DLEU7: variants seen among roughly 807,000 people sequenced by gnomAD.
DLEU7 encodes the protein deleted in lymphocytic leukemia 7, also known as leukemia-associated protein 7.
DLEU7 carries 17 observed loss-of-function variants against 16.0 expected under a neutral mutation model. That is an observed-to-expected ratio of 1.06 (90% CI 0.73 to 1.59). The LOEUF (loss-of-function observed/expected upper bound fraction) is 1.59. Ranked by LOEUF, DLEU7 falls within the 40% of genes most tolerant of loss-of-function variation. DLEU7 has a pLI of 0.00. For synonymous variants in DLEU7, 113 were observed against 139.8 expected (o/e 0.81, Z 1.35); for missense variants, 308 against 314.9 (o/e 0.98, Z 0.17).
rs778958314 is a variant in DLEU7, at chr13:50,843,086, T to C, written c.459+102A>G. 4.9e-5 allele frequency: 57 copies of C among 1,162,430 alleles called. No homozygotes were observed. The highest frequency in any genetic ancestry group is 5.7e-4 in the Middle Eastern group (2 of 3,494). The allele number at this position is 1,162,430 out of a possible 1,614,324, so 72.0% of individuals were successfully genotyped here. On this transcript the variant is annotated intron_variant, in intron 1 of 1. Transcript: ENST00000504404. This position sits in a 1 kb window ranked among gnomAD's most constrained non-coding sequence, Gnocchi z 5.7. ...GGCTGAATCACAGTGGGCAGCAGTG[T>C]TTGGGATCCTGCGATCCACCCATCG...
intron 1 of DLEU7, among the ~76,000 whole-genome samples, chr13:50,715,917 C>T (rs1487591427): frequency 2.0e-5 from 3 of 152,212 alleles, no homozygotes; most frequent in Non-Finnish European, 4.4e-5. Flanking sequence ...CCTGGCACAC[C>T]TTGCTGCTAC....
chr13:50,722,148 A>G (rs545665573), intron 1 of DLEU7, among the ~76,000 whole-genome samples: 39 of 152,270 alleles, frequency 2.6e-4, no homozygotes, highest in South Asian at 1.7e-3. Flanking sequence ...TCCTCCCAAC[A>G]TGGCTGGAGT....
At chr13:50,743,419 G>C (rs766145200) in intron 1 of DLEU7, among the ~76,000 whole-genome samples, 3 of 152,168 alleles carry the variant, frequency 2.0e-5, no homozygotes, top group Non-Finnish European at 4.4e-5. Flanking sequence ...ATAGGCTCTG[G>C]AGACAAACAG....
intron 1 of DLEU7, chr13:50,723,246 C>G (rs1873669921): frequency 6.6e-6 from 1 of 152,060 alleles, no homozygotes; most frequent in African/African-American, 2.4e-5. Flanking sequence ...GGTAACTAGA[C>G]TTTCAATTGT....
intron 1 of DLEU7, among the ~76,000 whole-genome samples, chr13:50,722,053 G>C (rs1329612232): frequency 6.6e-6 from 1 of 152,190 alleles, no homozygotes; most frequent in Non-Finnish European, 1.5e-5. Context: ...GTAGAGAAGA[G>C]CATGGGGTTG....
chr13:50,740,729 C>T (rs1221540285), intron 1 of DLEU7, among the ~76,000 whole-genome samples: 1 of 152,180 alleles, frequency 6.6e-6, no homozygotes, highest in Non-Finnish European at 1.5e-5. Flanking sequence ...AGAACTTTCA[C>T]AGATGCAAAC....
At chr13:50,721,181 C>A (rs1285363454) in intron 1 of DLEU7, among the ~76,000 whole-genome samples, 1 of 152,236 alleles carries the variant, frequency 6.6e-6, no homozygotes, top group Non-Finnish European at 1.5e-5. Flanking sequence ...ATGCTTCCTG[C>A]CCTCGAACAT....
At chr13:50,808,280 A>G (rs1489884852) in intron 1 of DLEU7, among the ~76,000 whole-genome samples, 4 of 152,206 alleles carry the variant, frequency 2.6e-5, no homozygotes, top group Admixed American at 2.6e-4. Context: ...ATCATTGGCT[A>G]TCACTATCCA....
chr13:50,840,082 C>T (rs1008855054), intron 1 of DLEU7: 6 of 152,170 alleles, frequency 3.9e-5, no homozygotes, highest in African/African-American at 1.4e-4. Flanking sequence ...GAGTCTTCCT[C>T]CTACCTTCCG....
At chr13:50,711,772 C>CCGGGGGGGGGGGGGGGGGGGG, downstream of DLEU7, 32 of 72,906 alleles carry the variant, frequency 4.4e-4, 5 homozygotes, top group Admixed American at 5.8e-4. Context: ...GACCCAGTGG[C>CCGGGGGGGGGGGGGGGGGGGG]GGGGGCGGGG....
chr13:50,786,123 A>G (rs1875788358), intron 1 of DLEU7, among the ~76,000 whole-genome samples: 1 of 152,200 alleles, frequency 6.6e-6, no homozygotes, highest in Admixed American at 6.5e-5. Context: ...TTTACTAATA[A>G]GACTTTGATG....
exon 2 of DLEU7, chr13:50,713,085 A>C: frequency 1.9e-6 from 2 of 1,037,632 alleles, no homozygotes; most frequent in East Asian, 5.2e-5. Flanking sequence ...ATACGAAGGC[A>C]ATGGAGGCCA....
intron 1 of DLEU7, among the ~76,000 whole-genome samples, chr13:50,718,815 T>C (rs1211151486): frequency 6.6e-6 from 1 of 152,190 alleles, no homozygotes; most frequent in African/African-American, 2.4e-5. Context: ...GTTTTCCATA[T>C]ATGGTTTTGG....
intron 1 of DLEU7, among the ~76,000 whole-genome samples, chr13:50,734,457 A>G (rs1029121745): frequency 6.6e-6 from 1 of 152,058 alleles, no homozygotes; most frequent in Non-Finnish European, 1.5e-5. Context: ...TGTTATTTCC[A>G]TTCTGTAGCT....
At chr13:50,737,622 C>T (rs1182473694) in intron 1 of DLEU7, among the ~76,000 whole-genome samples, 2 of 152,068 alleles carry the variant, frequency 1.3e-5, no homozygotes, top group African/African-American at 4.8e-5. Flanking sequence ...ATAAGCCATG[C>T]CCATAGAAGA....
intron 1 of DLEU7, among the ~76,000 whole-genome samples, chr13:50,764,892 G>GTTTTGTTTTGTTTTC (rs71693659): frequency 0.086 from 13,115 of 151,958 alleles, 1,109 homozygotes; most frequent in East Asian, 0.26. Flanking sequence ...GTTTTGTTTT[G>GTTTTGTTTTGTTTTC]TTTTGTTTGA....
intron 1 of DLEU7, among the ~76,000 whole-genome samples, chr13:50,735,294 A>G (rs2812246): frequency 0.083 from 12,681 of 152,162 alleles, 562 homozygotes; most frequent in East Asian, 0.15. Context: ...ACTATCAACC[A>G]TCTTACCCTA....
intron 1 of DLEU7, among the ~76,000 whole-genome samples, chr13:50,742,113 T>C (rs1162202942): frequency 6.6e-6 from 1 of 152,116 alleles, no homozygotes; most frequent in Non-Finnish European, 1.5e-5. Context: ...TACTTAAAAT[T>C]GCTTGTCCCA....
downstream of DLEU7, chr13:50,818,712 T>G (rs1395994811): frequency 6.6e-6 from 1 of 152,216 alleles, no homozygotes; most frequent in African/African-American, 2.4e-5. Context: ...ATGGCCCCAG[T>G]GCAGCACTCC....
Sources: gnomAD v4.1 joint callset for allele counts (sites outside exome capture counted in the v4.1 genomes callset) on GRCh38, gnomAD v4.1.1 for gene constraint, Gnocchi (gnomAD v3.1) non-coding constraint, MANE v1.5 for transcripts, NCBI Gene and HGNC (gene_info 2026-07-23, HGNC 2026-07-21) for gene names.